Variants in PRELID2 observed in about 807,000 individuals in gnomAD.
PRELID2 encodes the protein PRELI domain containing 2, also known as PRELI domain-containing protein 2.
In PRELID2, 25 loss-of-function variants were observed where a neutral mutation model predicts 28.4. The observed-to-expected ratio is 0.88, with a 90% CI of 0.64 to 1.23. PRELID2 has a LOEUF of 1.23. Among genes scored for constraint, PRELID2 ranks in the 50% most tolerant of loss-of-function variants. The probability of loss-of-function intolerance (pLI) is 0.00; values close to 1 mark genes in which losing one functional copy is unlikely to be tolerated. For synonymous variants in PRELID2, 76 were observed against 71.6 expected, an observed-to-expected ratio of 1.06 and a Z score of -0.31; for missense variants, 201 against 214.4, an observed-to-expected ratio of 0.94 and a Z score of 0.39.
intron 1 of PRELID2, among the ~76,000 whole-genome samples, chr5:145,618,458 G>T (rs982526358): frequency 1.3e-5 from 2 of 152,086 alleles, no homozygotes; most frequent in Admixed American, 6.5e-5. Context: ...TCTCCTCTGG[G>T]TCTAGCCACT....
At chr5:145,260,051 G>A in the PRELID2 span, among the ~76,000 whole-genome samples, 3 of 152,106 alleles carry the variant, frequency 2.0e-5, no homozygotes, top group Admixed American at 6.5e-5. Context: ...TTAAAAGTGT[G>A]TAACACCTCC....
chr5:145,811,023 G>C (rs1753889100), intron 4 of PRELID2, among the ~76,000 whole-genome samples: 1 of 131,920 alleles, frequency 7.6e-6, no homozygotes, highest in South Asian at 2.4e-4. Context: ...GTTCCACATG[G>C]CTGAGGAGGC....
At chr5:145,258,598 C>A in the PRELID2 span, among the ~76,000 whole-genome samples, 15 of 152,256 alleles carry the variant, frequency 9.9e-5, no homozygotes, top group South Asian at 2.9e-3. Flanking sequence ...AATTTCGAAG[C>A]AGTAAAGCAT....
At chr5:145,319,726 A>C in the PRELID2 span, among the ~76,000 whole-genome samples, 1 of 147,884 alleles carries the variant, frequency 6.8e-6, no homozygotes, top group Non-Finnish European at 1.5e-5. Flanking sequence ...TAAATAAATA[A>C]ATAATTTTTA....
the PRELID2 span, among the ~76,000 whole-genome samples, chr5:145,465,573 G>C: frequency 6.6e-6 from 1 of 151,974 alleles, no homozygotes; most frequent in Non-Finnish European, 1.5e-5. Flanking sequence ...ATGTGACCCC[G>C]GGGCAAGCTA....
At chr5:145,748,678 G>A (rs927968044) in intron 1 of PRELID2, among the ~76,000 whole-genome samples, 31 of 152,064 alleles carry the variant, frequency 2.0e-4, no homozygotes, top group African/African-American at 7.5e-4. Context: ...ACAATCCTAA[G>A]CAAAAAGAAC....
At chr5:145,457,395 TC>T in the PRELID2 span, among the ~76,000 whole-genome samples, 1 of 152,082 alleles carries the variant, frequency 6.6e-6, no homozygotes, top group African/African-American at 2.4e-5. Flanking sequence ...TCCCTTTCTC[TC>T]CCCCACCCTC....
At chr5:145,373,522 TATG>T in the PRELID2 span, among the ~76,000 whole-genome samples, 1 of 19,894 alleles carries the variant, frequency 5.0e-5, no homozygotes, top group Non-Finnish European at 7.9e-5. Context: ...ATATAATATA[TATG>T]ATATTATATA....
At chr5:145,285,475 A>C in the PRELID2 span, among the ~76,000 whole-genome samples, 34 of 152,316 alleles carry the variant, frequency 2.2e-4, no homozygotes, top group African/African-American at 8.2e-4. Context: ...CAAAACTGGC[A>C]ATCAGTAGAT....
the PRELID2 span, among the ~76,000 whole-genome samples, chr5:145,330,160 C>T: frequency 6.6e-6 from 1 of 152,062 alleles, no homozygotes; most frequent in African/African-American, 2.4e-5. Context: ...TGATGCATTG[C>T]TGGATTCAGT....
At chr5:145,390,713 T>C in the PRELID2 span, among the ~76,000 whole-genome samples, 2 of 152,138 alleles carry the variant, frequency 1.3e-5, no homozygotes, top group East Asian at 1.9e-4. Flanking sequence ...CCCAAAGTCT[T>C]AGTTCATTCC....
At chr5:145,663,764 C>A (rs1316732539) in intron 1 of PRELID2, among the ~76,000 whole-genome samples, 2 of 152,098 alleles carry the variant, frequency 1.3e-5, no homozygotes, top group Non-Finnish European at 1.5e-5. Flanking sequence ...AGTTAACCAG[C>A]ATCTCTAAAT....
Position 145,800,415 on chromosome 5 carries a change from A to C in PRELID2, c.369-3868T>G, listed in dbSNP as rs185829903. Among the ~76,000 whole-genome samples, 585 of 151,990 alleles carry C rather than the reference A, an allele frequency of 3.8e-3. 3 individuals are homozygous for C. Among genetic ancestry groups the C allele is most frequent in the African/African-American group, 0.013 (549 of 41,442 alleles). On this transcript the variant is annotated intron_variant, in intron 4 of 6. Transcript: ENST00000683046. ...CTTAGATTTAAGCCTATTTAAAATG[A>C]TTTGCTCATGTAAAACTATATCCTG...
the PRELID2 span, among the ~76,000 whole-genome samples, chr5:145,406,606 A>C: frequency 6.6e-6 from 1 of 152,226 alleles, no homozygotes; most frequent in South Asian, 2.1e-4. Flanking sequence ...TTGGACAGAC[A>C]GAACAGCATG....
chr5:145,423,280 C>T, the PRELID2 span, among the ~76,000 whole-genome samples: 1 of 148,454 alleles, frequency 6.7e-6, no homozygotes, highest in Non-Finnish European at 1.5e-5. Context: ...TGAACGTTGG[C>T]CTGCCTTGCT....
chr5:145,820,227 G>A (rs532631025), intron 2 of PRELID2, among the ~76,000 whole-genome samples: 24 of 151,142 alleles, frequency 1.6e-4, no homozygotes, highest in Non-Finnish European at 2.9e-4. Flanking sequence ...TCAGCCTCCC[G>A]CAATGAATCT....
At chr5:145,359,691 C>A in the PRELID2 span, among the ~76,000 whole-genome samples, 21 of 152,296 alleles carry the variant, frequency 1.4e-4, no homozygotes, top group African/African-American at 5.1e-4. Flanking sequence ...TCATAGAACA[C>A]TCTTCATTGA....
At chr5:145,529,525 T>C (rs1752638138) in intron 1 of PRELID2, among the ~76,000 whole-genome samples, 1 of 152,182 alleles carries the variant, frequency 6.6e-6, no homozygotes, top group Non-Finnish European at 1.5e-5. Flanking sequence ...CGTGATTGTG[T>C]GTGAAATTTA....
the PRELID2 span, among the ~76,000 whole-genome samples, chr5:145,456,444 G>A: frequency 2.6e-5 from 4 of 152,062 alleles, no homozygotes; most frequent in African/African-American, 9.7e-5. Context: ...CATTTTTGGT[G>A]CCTTCTCATC....
Sources: gnomAD v4.1 joint callset for allele counts (sites outside exome capture counted in the v4.1 genomes callset) on GRCh38, gnomAD v4.1.1 for gene constraint, MANE v1.5 for transcripts, NCBI Gene and HGNC (gene_info 2026-07-23, HGNC 2026-07-21) for gene names.